STAT4: variants seen among roughly 807,000 people sequenced by gnomAD.
The protein encoded by STAT4 is signal transducer and activator of transcription 4.
In STAT4, 42 loss-of-function variants were observed where a neutral mutation model predicts 110.5. That is an observed-to-expected ratio of 0.38 (90% CI 0.30 to 0.49). STAT4 has a LOEUF of 0.49. STAT4 is among the 20% of genes least tolerant of loss of function. The probability of loss-of-function intolerance (pLI) is 0.95; values close to 1 mark genes in which losing one functional copy is unlikely to be tolerated. For synonymous variants in STAT4, 284 were observed against 302.2 expected, an observed-to-expected ratio of 0.94 and a Z score of 0.63; for missense variants, 632 against 887.9, an observed-to-expected ratio of 0.71 and a Z score of 3.66.
At position 191,051,657 on chromosome 2, in the gene STAT4, G is replaced by A. The variant is rs1034011049; in HGVS notation, c.1251+2833C>T. On this transcript the variant is annotated intron_variant, in intron 14 of 23. Transcript: ENST00000392320. This position sits in a 1 kb window ranked among gnomAD's most constrained non-coding sequence, Gnocchi z 5.6. ...ACATGATTTCGGAGCAGGTGGGTGAGGTGCAGACACTCTGTGAGATAGATG... is the reference window on the plus strand; with the variant it reads ...ACATGATTTCGGAGCAGGTGGGTGAAGTGCAGACACTCTGTGAGATAGATG... 6.6e-6 allele frequency among the ~76,000 whole-genome samples: 1 copy of A among 152,196 alleles called. No homozygotes were observed. The highest frequency in any genetic ancestry group is 1.5e-5 in the Non-Finnish European group (1 of 68,034).
intron 3 of STAT4, among the ~76,000 whole-genome samples, chr2:191,129,015 T>C (rs1046614711): frequency 1.3e-5 from 2 of 152,208 alleles, no homozygotes; most frequent in Non-Finnish European, 2.9e-5. Flanking sequence ...TGTGAATTTT[T>C]TCGACTGTGA....
chr2:191,070,160 A>C (rs1305207974), intron 5 of STAT4, among the ~76,000 whole-genome samples: 1 of 152,182 alleles, frequency 6.6e-6, no homozygotes, highest in Non-Finnish European at 1.5e-5. Context: ...CTTTTTGCTG[A>C]AATCTTCATT....
rs1236702948 is a variant in STAT4, at chr2:191,135,174, AAG to A, written c.273+11437_273+11438del. Among the ~76,000 whole-genome samples, 1 of 152,184 alleles carries A rather than the reference AAG, an allele frequency of 6.6e-6. No homozygotes were observed. The highest frequency in any genetic ancestry group is 2.4e-5 in the African/African-American group (1 of 41,458). On this transcript the variant is annotated intron_variant, in intron 3 of 23. Coordinates refer to ENST00000392320, the MANE Select transcript of STAT4 (RefSeq NM_003151.4). This position sits in a 1 kb window ranked among gnomAD's most constrained non-coding sequence, Gnocchi z 4.8. ...ACAACTTGCTAGACTAACCATAAAA[AAG>A]AGAGATGACCCAAATAAATAAAATC...
rs1698568989 is a variant in STAT4, at chr2:191,116,271, A to G, written c.273+30342T>C. On this transcript the variant is annotated intron_variant, in intron 3 of 23. Transcript: ENST00000392320. The surrounding 1 kb of genome is among the most constrained non-coding windows in gnomAD (Gnocchi z 4.1). ...AGTGCTTTTACACCTATGATACGAC[A>G]CCACCTTCTCTGCAGAATCATATCA... Among the ~76,000 whole-genome samples the G allele has an allele frequency of 6.6e-6, 1 of 152,174 alleles. No homozygotes were observed. The highest frequency in any genetic ancestry group is 2.4e-5 in the African/African-American group (1 of 41,432).
In STAT4 at chr2:191,112,542, C is replaced by T. The variant is rs1698452901; in HGVS notation, c.273+34071G>A. Reference sequence around the variant, plus strand: ...ATATATATTTTTTACTAAAACATGCCCTGTGGCACAATCTATATGTAGTAT... The same window carrying T: ...ATATATATTTTTTACTAAAACATGCTCTGTGGCACAATCTATATGTAGTAT... On this transcript the variant is annotated intron_variant, in intron 3 of 23. Transcript: ENST00000392320. The surrounding 1 kb of genome is among the most constrained non-coding windows in gnomAD (Gnocchi z 4.3). Among the ~76,000 whole-genome samples, 1 of 152,032 alleles carries T rather than the reference C, an allele frequency of 6.6e-6. No individual in the cohort carries two copies. Among genetic ancestry groups the T allele is most frequent in the Non-Finnish European group, 1.5e-5 (1 of 67,992 alleles).
intron 5 of STAT4, among the ~76,000 whole-genome samples, chr2:191,072,037 T>C (rs1241867331): frequency 6.6e-6 from 1 of 152,156 alleles, no homozygotes. Context: ...AGTCTCCCCG[T>C]AGAGTCAATT....
At chr2:191,063,397 C>T (rs1444278951) in intron 8 of STAT4, among the ~76,000 whole-genome samples, 1 of 152,130 alleles carries the variant, frequency 6.6e-6, no homozygotes, top group Non-Finnish European at 1.5e-5. Context: ...TTTACAAGTC[C>T]TAAGTACTAG....
chr2:191,034,719 C>T, intron 17 of STAT4, 122 bp from the exon 18 acceptor site: 1 of 729,062 alleles, frequency 1.4e-6, no homozygotes, highest in South Asian at 1.5e-5. Flanking sequence ...TATGGGTTTG[C>T]AATGTACTGA....
rs1381498098 is a variant in STAT4, at chr2:191,104,439, T to C, written c.274-28114A>G. On this transcript the variant is annotated intron_variant, in intron 3 of 23. Coordinates refer to ENST00000392320, the MANE Select transcript of STAT4 (RefSeq NM_003151.4). This position sits in a 1 kb window ranked among gnomAD's most constrained non-coding sequence, Gnocchi z 4.3. ...TTTAGAATCAGTGTTCATTTTTTGT[T>C]CAATTACCAAAAATATTAAATTCAC... Among the ~76,000 whole-genome samples, 17 of 152,180 alleles carry C rather than the reference T, an allele frequency of 1.1e-4. 1 individual carries two copies. Among genetic ancestry groups the C allele is most frequent in the Admixed American group, 1.1e-3 (17 of 15,266 alleles).
In STAT4 at chr2:191,135,027, A is replaced by C. The variant is rs539888959; in HGVS notation, c.273+11586T>G. Among the ~76,000 whole-genome samples, 68 of 152,224 alleles carry C rather than the reference A, an allele frequency of 4.5e-4. No individual in the cohort carries two copies. Among genetic ancestry groups the C allele is most frequent in the South Asian group, 2.1e-3 (10 of 4,824 alleles). The stretch of plus-strand genomic sequence containing the variant: ...GTAACTAGAAAAGCAAGAAAAAAAA[A>C]CCGAAATTAGTGGAAGGAAAGAATT... On this transcript the variant is annotated intron_variant, in intron 3 of 23. Coordinates refer to ENST00000392320, the MANE Select transcript of STAT4 (RefSeq NM_003151.4). The surrounding 1 kb of genome is among the most constrained non-coding windows in gnomAD (Gnocchi z 4.8).
Position 191,029,755 on chromosome 2 carries a change from A to G in STAT4, c.*85T>C. Reference sequence around the variant, plus strand: ...TAGAACCTGGTATTTACAAAGCTGAAGAAATAAAATGTGGTTATTGGGCAA... The same window carrying G: ...TAGAACCTGGTATTTACAAAGCTGAGGAAATAAAATGTGGTTATTGGGCAA... On this transcript the variant is annotated 3_prime_UTR_variant, in exon 24 of 24. Transcript: ENST00000392320. This position sits in a 1 kb window ranked among gnomAD's most constrained non-coding sequence, Gnocchi z 4.5. The G allele has an allele frequency of 8.0e-7, 1 of 1,251,666 alleles. No homozygotes were observed. The highest frequency in any genetic ancestry group is 1.3e-5 in the South Asian group (1 of 74,824). 77.5% of individuals were successfully genotyped at this position (1,251,666 alleles called of 1,614,324 possible).
chr2:191,108,290 C>CA (rs67882536), intron 3 of STAT4, among the ~76,000 whole-genome samples: 1,638 of 116,770 alleles, frequency 0.014, 28 homozygotes, highest in African/African-American at 0.04. Context: ...AACTCTATCT[C>CA]AAAAAAAAAA....
rs1699391048 is a variant in STAT4 at position 191,143,710 on chromosome 2, C to A, written c.273+2903G>T. 6.6e-6 allele frequency among the ~76,000 whole-genome samples: 1 copy of A among 152,090 alleles called. No individual in the cohort carries two copies. The highest frequency in any genetic ancestry group is 2.1e-4 in the South Asian group (1 of 4,826). On this transcript the variant is annotated intron_variant, in intron 3 of 23. Coordinates refer to ENST00000392320, the MANE Select transcript of STAT4 (RefSeq NM_003151.4). The surrounding 1 kb of genome is among the most constrained non-coding windows in gnomAD (Gnocchi z 5.6). ...GTTTACTCCTTTTTGCTGTAATTGT[C>A]AACATGGTTTGTATTTAAAATCCCA... is the stretch of plus-strand genomic sequence containing the variant.
rs1465356968 is a variant in STAT4, at chr2:191,144,158, G to GATCA, written c.273+2451_273+2454dup. Among the ~76,000 whole-genome samples, 6 of 152,204 alleles carry GATCA rather than the reference G, an allele frequency of 3.9e-5. No individual in the cohort carries two copies. The East Asian group carries it at 1.2e-3, about 29-fold the overall frequency. ...GTGAGGGAGGGGGGTCAGAAAAGGA[G>GATCA]ATCAGCCTTTTACCCTCAAGGACCT... On this transcript the variant is annotated intron_variant, in intron 3 of 23. Coordinates refer to ENST00000392320, the MANE Select transcript of STAT4 (RefSeq NM_003151.4). This position sits in a 1 kb window ranked among gnomAD's most constrained non-coding sequence, Gnocchi z 4.7.
At chr2:191,036,606 G>A (rs1219017568) in intron 16 of STAT4, among the ~76,000 whole-genome samples, 1 of 152,214 alleles carries the variant, frequency 6.6e-6, no homozygotes, top group Non-Finnish European at 1.5e-5. Context: ...AAGAGGTCAA[G>A]CTGCACACTT....
Position 191,091,215 on chromosome 2 carries a change from AAG to A in STAT4, c.274-14892_274-14891del, listed in dbSNP as rs910761498. 6.6e-6 allele frequency among the ~76,000 whole-genome samples: 1 copy of A among 152,232 alleles called. No individual in the cohort carries two copies. Among genetic ancestry groups the A allele is most frequent in the African/African-American group, 2.4e-5 (1 of 41,466 alleles). ...TGATAAAATTATATTTCTAGAAAAA[AAG>A]AGACTCATACAAATTCTAGAATGAA... On this transcript the variant is annotated intron_variant, in intron 3 of 23. Coordinates refer to ENST00000392320, the MANE Select transcript of STAT4 (RefSeq NM_003151.4). The surrounding 1 kb of genome is among the most constrained non-coding windows in gnomAD (Gnocchi z 5.4).
In STAT4 at chr2:191,099,529, C is replaced by T. The variant is rs946306477; in HGVS notation, c.274-23204G>A. 4.0e-5 allele frequency among the ~76,000 whole-genome samples: 6 copies of T among 151,848 alleles called. No homozygotes were observed. Among genetic ancestry groups the T allele is most frequent in the East Asian group, 1.9e-4 (1 of 5,186 alleles). The stretch of plus-strand genomic sequence containing the variant: ...CATTAAAATGGAGGGATTTCTGTTA[C>T]GTAAAATTTGGAAAGCAGAGATATG... On this transcript the variant is annotated intron_variant, in intron 3 of 23. Coordinates refer to ENST00000392320, the MANE Select transcript of STAT4 (RefSeq NM_003151.4). This position sits in a 1 kb window ranked among gnomAD's most constrained non-coding sequence, Gnocchi z 4.1.
At chr2:191,098,583 G>C (rs1698070207) in intron 3 of STAT4, among the ~76,000 whole-genome samples, 1 of 152,004 alleles carries the variant, frequency 6.6e-6, no homozygotes, top group Non-Finnish European at 1.5e-5. Context: ...CACAGGGCGG[G>C]GAACATCACA....
rs1695885849 is a variant in STAT4, at chr2:191,031,297, T to C, written c.2111+153A>G. ...TTTAGGCACAATAGATTGTGGTAAGTGTGCCCTGAAGGCTAGCCTTATGTA... is the reference window on the plus strand; with the variant it reads ...TTTAGGCACAATAGATTGTGGTAAGCGTGCCCTGAAGGCTAGCCTTATGTA... On this transcript the variant is annotated intron_variant, in intron 22 of 23. Transcript: ENST00000392320. The surrounding 1 kb of genome is among the most constrained non-coding windows in gnomAD (Gnocchi z 4.8). 2.2e-6 allele frequency: 2 copies of C among 926,500 alleles called. No individual in the cohort carries two copies. The highest frequency in any genetic ancestry group is 3.2e-6 in the Non-Finnish European group (2 of 621,122). 57.4% of individuals were successfully genotyped at this position (926,500 alleles called of 1,614,324 possible). A position where few individuals can be genotyped will look rare whatever the true frequency, so the allele number is the denominator to read the frequency against.
Sources: gnomAD v4.1 joint callset for allele counts (sites outside exome capture counted in the v4.1 genomes callset) on GRCh38, gnomAD v4.1.1 for gene constraint, Gnocchi (gnomAD v3.1) non-coding constraint, MANE v1.5 for transcripts, NCBI Gene and HGNC (gene_info 2026-07-23, HGNC 2026-07-21) for gene names.